Variants in PCDH15 observed in about 807,000 individuals in gnomAD.
PCDH15 encodes the protein protocadherin related 15, also known as protocadherin-15.
A neutral mutation model predicts 178.5 loss-of-function variants in PCDH15; 129 were observed. That is an observed-to-expected ratio of 0.72 (90% CI 0.63 to 0.84). PCDH15 has a LOEUF of 0.84. PCDH15 is among the 40% of genes least tolerant of loss of function. PCDH15 has a pLI of 0.00. For synonymous variants in PCDH15, 800 were observed against 732.0 expected (o/e 1.09, Z -1.50); for missense variants, 2,230 against 2,099.9 (o/e 1.06, Z -1.21).
chr10:55,071,405 T>C (rs1322486762), intron 2 of PCDH15, among the ~76,000 whole-genome samples: 1 of 152,066 alleles, frequency 6.6e-6, no homozygotes, highest in East Asian at 1.9e-4. Flanking sequence ...GAGGAAGATC[T>C]ACCAAGCAAA....
intron 1 of PCDH15, among the ~76,000 whole-genome samples, chr10:55,298,216 A>C (rs1426206344): frequency 6.6e-6 from 1 of 152,324 alleles, no homozygotes; most frequent in Non-Finnish European, 1.5e-5. Flanking sequence ...ATGCATTTAA[A>C]CCCAGGATTT....
intron 27 of PCDH15, among the ~76,000 whole-genome samples, chr10:53,864,863 T>C (rs1444439315): frequency 6.6e-6 from 1 of 152,144 alleles, no homozygotes; most frequent in African/African-American, 2.4e-5. Context: ...GTTTCGTTCC[T>C]GTGTTAATTT....
intron 8 of PCDH15, among the ~76,000 whole-genome samples, chr10:54,268,028 A>C (rs774619568): frequency 6.6e-6 from 1 of 152,024 alleles, no homozygotes; most frequent in East Asian, 1.9e-4. Context: ...ACTTCAACCT[A>C]TACTACAAGG....
At chr10:54,585,025 T>C (rs746259009) in intron 2 of PCDH15, among the ~76,000 whole-genome samples, 3 of 152,152 alleles carry the variant, frequency 2.0e-5, no homozygotes, top group Admixed American at 6.6e-5. Context: ...TTTTACCAAA[T>C]TGTACATATA....
At chr10:54,885,915 AT>A (rs1447026001) in intron 3 of PCDH15, among the ~76,000 whole-genome samples, 3 of 152,148 alleles carry the variant, frequency 2.0e-5, no homozygotes, top group Non-Finnish European at 1.5e-5. Context: ...CGCTTTCCTT[AT>A]TAAATTTTCA....
chr10:54,643,236 T>C (rs2094035563), intron 2 of PCDH15, among the ~76,000 whole-genome samples: 1 of 152,188 alleles, frequency 6.6e-6, no homozygotes, highest in South Asian at 2.1e-4. Context: ...TAAAGTTTGA[T>C]GAACCTACTC....
chr10:55,393,230 T>C (rs1463207807), intron 2 of PCDH15, among the ~76,000 whole-genome samples: 17 of 152,060 alleles, frequency 1.1e-4, no homozygotes, highest in Admixed American at 1.1e-3. Context: ...GATCACTGAT[T>C]GCTAGGTCCC....
chr10:54,780,606 T>G (rs1325027243), intron 1 of PCDH15, among the ~76,000 whole-genome samples: 1 of 151,974 alleles, frequency 6.6e-6, no homozygotes, highest in East Asian at 1.9e-4. Flanking sequence ...GGAAACATTT[T>G]GAGGAAGGAA....
chr10:55,002,197 A>T (rs1032079750), intron 2 of PCDH15, among the ~76,000 whole-genome samples: 37 of 152,218 alleles, frequency 2.4e-4, no homozygotes, highest in African/African-American at 8.9e-4. Context: ...TTCGCTGCAT[A>T]GTCTTAAAGT....
chr10:55,479,382 G>A (rs1589065593), intron 2 of PCDH15, among the ~76,000 whole-genome samples: 1 of 151,592 alleles, frequency 6.6e-6, no homozygotes, highest in East Asian at 1.9e-4. Flanking sequence ...CAGAGTGAAG[G>A]ACAAAAACCA....
At chr10:53,831,976 C>T (rs564317258) in intron 29 of PCDH15, among the ~76,000 whole-genome samples, 81 of 152,092 alleles carry the variant, frequency 5.3e-4, no homozygotes, top group African/African-American at 1.9e-3. Context: ...TTATTGCAGG[C>T]CAAAAAGCTA....
At chr10:54,592,871 A>C (rs1251739510) in intron 2 of PCDH15, among the ~76,000 whole-genome samples, 2 of 152,152 alleles carry the variant, frequency 1.3e-5, no homozygotes, top group Non-Finnish European at 2.9e-5. Flanking sequence ...GATAATAGCC[A>C]TTCAAACAGG....
chr10:55,160,964 T>G (rs1012903310), intron 2 of PCDH15, among the ~76,000 whole-genome samples: 14 of 152,162 alleles, frequency 9.2e-5, no homozygotes, highest in African/African-American at 3.4e-4. Flanking sequence ...CTGGGGAAAT[T>G]GTTACTGCTC....
At chr10:54,954,976 G>A (rs1231185391) in intron 2 of PCDH15, among the ~76,000 whole-genome samples, 2 of 151,200 alleles carry the variant, frequency 1.3e-5, no homozygotes, top group Non-Finnish European at 3.0e-5. Flanking sequence ...TTAATGAAAT[G>A]TATGAAAGAT....
intron 2 of PCDH15, among the ~76,000 whole-genome samples, chr10:54,925,108 G>T (rs913246834): frequency 6.6e-6 from 1 of 152,000 alleles, no homozygotes; most frequent in Non-Finnish European, 1.5e-5. Flanking sequence ...AATCCATCTT[G>T]ATTTGTTATT....
At chr10:54,240,723 C>T (rs947001729) in intron 8 of PCDH15, among the ~76,000 whole-genome samples, 1 of 149,022 alleles carries the variant, frequency 6.7e-6, no homozygotes, top group South Asian at 2.1e-4. Context: ...GCTCCGCCTC[C>T]CGGGTTCACG....
At chr10:55,587,606 C>G (rs186138048) in intron 2 of PCDH15, among the ~76,000 whole-genome samples, 70 of 151,682 alleles carry the variant, frequency 4.6e-4, no homozygotes, top group African/African-American at 1.6e-3. Context: ...CTAGAGTGAA[C>G]AAAAGAAAAA....
At chr10:54,271,299 C>T (rs1422978819) in intron 8 of PCDH15, among the ~76,000 whole-genome samples, 2 of 152,090 alleles carry the variant, frequency 1.3e-5, no homozygotes, top group African/African-American at 2.4e-5. Flanking sequence ...CAACCTCCAC[C>T]TCCCGGGTTC....
chr10:54,537,124 G>C (rs141706104), intron 2 of PCDH15, among the ~76,000 whole-genome samples: 16,334 of 147,376 alleles, frequency 0.11, 1,060 homozygotes, highest in Non-Finnish European at 0.15. Context: ...TCAGCCTCCC[G>C]AGTAGCTGGG....
Sources: gnomAD v4.1 joint callset for allele counts (sites outside exome capture counted in the v4.1 genomes callset) on GRCh38, gnomAD v4.1.1 for gene constraint, MANE v1.5 for transcripts, NCBI Gene and HGNC (gene_info 2026-07-23, HGNC 2026-07-21) for gene names.